Variants in MYO15A observed in about 807,000 individuals in gnomAD.
The protein encoded by MYO15A is myosin XVA, also known as unconventional myosin-XV.
MYO15A carries 308 observed loss-of-function variants against 394.6 expected under a neutral mutation model. That is an observed-to-expected ratio of 0.78 (90% CI 0.71 to 0.86). The LOEUF (loss-of-function observed/expected upper bound fraction) is 0.86, where lower values mean the gene tolerates loss of function less well. Ranked by LOEUF, MYO15A falls within the 40% of genes least tolerant of loss-of-function variation. MYO15A has a pLI of 0.00. For missense variants in MYO15A, 4,606 were observed against 4,799.1 expected (o/e 0.96, Z 1.19); for synonymous variants, 1,957 against 2,003.8 (o/e 0.98, Z 0.62).
rs541628203 is a variant in MYO15A, at chr17:18,114,347, G to T, written c.-219-4235G>T. The stretch of plus-strand genomic sequence containing the variant: ...GCTCACTGCAACCTCTGCCTCCCAG[G>T]TTCAAGTGATTCTCCTGCCTCAGCC... On this transcript the variant is annotated intron_variant, in intron 1 of 65. Transcript: ENST00000647165. 6.4e-5 allele frequency among the ~76,000 whole-genome samples: 9 copies of T among 141,164 alleles called. No homozygotes were observed. In the South Asian group the frequency reaches 2.1e-3, roughly 32 times the overall value. The allele number at this position is 141,164 out of a possible 152,430, so 92.6% of individuals were successfully genotyped here.
At chr17:18,154,108 C>A (rs1467005130) in intron 43 of MYO15A, 23 bp from the exon 44 acceptor site, 2 of 1,613,698 alleles carry the variant, frequency 1.2e-6, no homozygotes, top group East Asian at 4.5e-5. Context: ...CGGACAGTAC[C>A]CACTGAAGCC....
chr17:18,121,839 A>G lies in MYO15A; in HGVS notation c.3039A>G (p.Glu1013=), dbSNP rs1381785912. 2 of 1,612,734 alleles carry G rather than the reference A, an allele frequency of 1.2e-6. No homozygotes were observed. The highest frequency in any genetic ancestry group is 2.7e-5 in the African/African-American group (2 of 74,924). Residue 1013 remains glutamate (E), a synonymous_variant, in exon 2 of 66, where the codon GAA becomes GAG. Transcript: ENST00000647165. The surrounding 1 kb of genome is among the most constrained non-coding windows in gnomAD (Gnocchi z 5.3). ...CTGGCCCAACCCCTGAGAAGCCTGA[A>G]GAAGAGGCCACCCTGGGGGACCCCC... ...KSAGPTPEKP[E]EEATLGDPQL...
At chr17:18,157,698 C>T (rs777004036) in intron 50 of MYO15A, 24 bp from the exon 51 acceptor site, 2 of 1,603,708 alleles carry the variant, frequency 1.2e-6, no homozygotes, top group Non-Finnish European at 1.7e-6. Flanking sequence ...TCCTGTTTGC[C>T]TCAGACCTTT....
At chr17:18,133,848 G>T (rs113897921) in intron 12 of MYO15A, among the ~76,000 whole-genome samples, 3 of 152,258 alleles carry the variant, frequency 2.0e-5, no homozygotes, top group African/African-American at 7.2e-5. Flanking sequence ...AGTAGAGACG[G>T]GGTTTCACCA....
At position 18,178,779 on chromosome 17, in the gene MYO15A, T is replaced by C. The variant is rs2047050489; in HGVS notation, c.10502T>C (p.Leu3501Pro). Reference protein sequence around the residue: ...LQLQLEQGLELCRVVAVHVEN... With the variant: ...LQLQLEQGLEPCRVVAVHVEN... ...CACTGTCACCTGCAGGGACTGGAACTGTGTCGTGTGGTGGCCGTGCACGTG... is the reference window on the plus strand; with the variant it reads ...CACTGTCACCTGCAGGGACTGGAACCGTGTCGTGTGGTGGCCGTGCACGTG... The change falls in exon 66 of 66, where the codon CTG becomes CCG. Residue 3501 changes from leucine (L) to proline (P), a missense_variant. Transcript: ENST00000647165. The C allele has an allele frequency of 6.2e-7, 1 of 1,613,876 alleles. No individual in the cohort carries two copies. The highest frequency in any genetic ancestry group is 1.7e-5 in the Admixed American group (1 of 59,990).
chr17:18,167,472 C>A lies in MYO15A; in HGVS notation c.9949-118C>A, dbSNP rs914922614. 4.6e-6 allele frequency: 7 copies of A among 1,512,540 alleles called. No homozygotes were observed. In the Admixed American group the frequency reaches 1.0e-4, roughly 22 times the overall value. 93.7% of individuals were successfully genotyped at this position (1,512,540 alleles called of 1,614,324 possible). The stretch of plus-strand genomic sequence containing the variant: ...GAAACCCAGGAAAGTAATAGGCCAT[C>A]CTACCCCAGAAGAGGATGGGGCTGC... On this transcript the variant is annotated intron_variant, in intron 61 of 65. Coordinates refer to ENST00000647165, the MANE Select transcript of MYO15A (RefSeq NM_016239.4).
chr17:18,137,632 G>C lies in MYO15A; in HGVS notation c.4828G>C (p.Glu1610Gln). ...GCAGCTGTGTATTAACTACGCAAAC[G>C]AGAACCTTCAGTACCTTTTCAACAA... ...FEQLCINYAN[E>Q]NLQYLFNKIV... Residue 1610 changes from glutamate to glutamine, a missense_variant, in exon 16 of 66, where the codon GAG becomes CAG. Coordinates refer to ENST00000647165, the MANE Select transcript of MYO15A (RefSeq NM_016239.4). The C allele has an allele frequency of 6.2e-7, 1 of 1,614,184 alleles. No homozygotes were observed. Among genetic ancestry groups the C allele is most frequent in the South Asian group, 1.1e-5 (1 of 91,068 alleles).
chr17:18,154,796 T>C, intron 45 of MYO15A, 41 bp downstream of exon 45: 1 of 1,598,986 alleles, frequency 6.3e-7, no homozygotes. Context: ...GGGCAACCAG[T>C]CAGAGGCACA....
chr17:18,157,348 T>C, intron 50 of MYO15A, 118 bp downstream of exon 50: 1 of 1,367,866 alleles, frequency 7.3e-7, no homozygotes, highest in Non-Finnish European at 1.0e-6. Context: ...TGGTCAGGTC[T>C]CCTAAGGTCC....
At chr17:18,174,036 C>G in intron 65 of MYO15A, 115 bp downstream of exon 65, 1 of 1,389,748 alleles carries the variant, frequency 7.2e-7, no homozygotes, top group Non-Finnish European at 9.7e-7. Flanking sequence ...GTGCATGGGA[C>G]AGAACCAACC....
intron 7 of MYO15A, among the ~76,000 whole-genome samples, chr17:18,130,353 A>G (rs2046132190): frequency 6.8e-6 from 1 of 147,914 alleles, no homozygotes; most frequent in African/African-American, 2.5e-5. Flanking sequence ...GAGTTTGCCA[A>G]TGGGGCTGAG....
intron 65 of MYO15A, chr17:18,178,501 T>TA: frequency 1.7e-6 from 1 of 586,636 alleles, no homozygotes; most frequent in South Asian, 1.8e-5. Context: ...GGTGAAGCGA[T>TA]AGACCCTGGG....
At chr17:18,130,765 TTGTC>T (rs1314938456) in intron 7 of MYO15A, 36 bp from the exon 8 acceptor site, 4 of 1,612,366 alleles carry the variant, frequency 2.5e-6, no homozygotes, top group Non-Finnish European at 3.4e-6. Flanking sequence ...CATTCTGTTC[TTGTC>T]TGTCTCTTTG....
chr17:18,118,996 G>A lies in MYO15A; in HGVS notation c.196G>A (p.Gly66Ser), dbSNP rs1244935895. The change falls in exon 2 of 66, where the codon GGC (glycine) becomes AGC (serine). Residue 66 changes from glycine to serine, a missense_variant. This residue lies in a region of MYO15A where 1,830 missense variants were observed against 1,689.7 expected (regional missense o/e 1.08). Transcript: ENST00000647165. The stretch of plus-strand genomic sequence containing the variant: ...GGCCTTCTTCTGGGGCCTCCACACC[G>A]GCCCCCAGAAGACCAAGCGCAAGAG... ...ASAFFWGLHTGPQKTKRKRKA... is the reference protein window; with the variant it reads ...ASAFFWGLHTSPQKTKRKRKA... 2.5e-6 allele frequency: 4 copies of A among 1,612,694 alleles called. No homozygotes were observed. The highest frequency in any genetic ancestry group is 2.5e-6 in the Non-Finnish European group (3 of 1,179,934).
At position 18,150,101 on chromosome 17, in the gene MYO15A, AC is replaced by A. The variant is rs1259588192; in HGVS notation, c.7213-325del. The A allele has an allele frequency of 2.5e-6, 1 of 400,542 alleles. No individual in the cohort carries two copies. 24.8% of individuals were successfully genotyped at this position (400,542 alleles called of 1,614,324 possible). ...CCAGATCTCACGAGACCCCTCAGGTACCCTTACTCACTCTGGAAACTCCAGA... is the reference window on the plus strand; with the variant it reads ...CCAGATCTCACGAGACCCCTCAGGTACCTTACTCACTCTGGAAACTCCAGA... On this transcript the variant is annotated intron_variant, in intron 35 of 65. Coordinates refer to ENST00000647165, the MANE Select transcript of MYO15A (RefSeq NM_016239.4). The surrounding 1 kb of genome is among the most constrained non-coding windows in gnomAD (Gnocchi z 4.4).
At chr17:18,135,209 C>T (rs9906413) in intron 12 of MYO15A, among the ~76,000 whole-genome samples, 166 of 152,086 alleles carry the variant, frequency 1.1e-3, no homozygotes, top group African/African-American at 3.8e-3. Flanking sequence ...TCACTCTTGT[C>T]GCCCAGGCTG....
At position 18,148,587 on chromosome 17, in the gene MYO15A, C is replaced by G. The variant is rs751481120; in HGVS notation, c.6764+19C>G. 5 of 1,551,320 alleles carry G rather than the reference C, an allele frequency of 3.2e-6. No individual in the cohort carries two copies. The highest frequency in any genetic ancestry group is 4.4e-6 in the Non-Finnish European group (5 of 1,146,912). ...GGCACAGGTTGGCTCCTAGGATGCCCTCCCAGCACACTCTTATGTACCTGG... is the reference window on the plus strand; with the variant it reads ...GGCACAGGTTGGCTCCTAGGATGCCGTCCCAGCACACTCTTATGTACCTGG... On this transcript the variant is annotated intron_variant, in intron 32 of 65. Coordinates refer to ENST00000647165, the MANE Select transcript of MYO15A (RefSeq NM_016239.4). The surrounding 1 kb of genome is among the most constrained non-coding windows in gnomAD (Gnocchi z 4.8).
intron 18 of MYO15A, chr17:18,139,139 C>A: frequency 1.4e-6 from 1 of 728,782 alleles, no homozygotes; most frequent in Non-Finnish European, 2.4e-6. Context: ...AATAATAGTG[C>A]CCAACTCATG....
chr17:18,124,614 C>T (rs1173054957), intron 3 of MYO15A, 49 bp downstream of exon 3: 6 of 1,578,652 alleles, frequency 3.8e-6, no homozygotes, highest in African/African-American at 1.3e-5. Context: ...CATGGGGTCC[C>T]CACCCTCCCA....
Sources: allele counts gnomAD v4.1 joint callset (sites outside exome capture counted in the v4.1 genomes callset), GRCh38; gene constraint gnomAD v4.1.1; regional missense constraint gnomAD v4.1.1; non-coding constraint Gnocchi (gnomAD v3.1); transcripts MANE v1.5; gene names NCBI Gene and HGNC (gene_info 2026-07-23, HGNC 2026-07-21).